TMEM132C: variants seen among roughly 807,000 people sequenced by gnomAD.
TMEM132C encodes transmembrane protein 132C, also known as protein phosphatase 1, regulatory subunit 152.
In TMEM132C, 29 loss-of-function variants were observed where a neutral mutation model predicts 61.4. That is an observed-to-expected ratio of 0.47 (90% CI 0.35 to 0.64). The LOEUF is 0.64. TMEM132C is among the 30% of genes least tolerant of loss of function. The pLI, the probability that TMEM132C is intolerant of heterozygous loss-of-function variation, is 0.00. For synonymous variants in TMEM132C, 656 were observed against 633.1 expected (o/e 1.04, Z -0.54); for missense variants, 1,408 against 1,476.9 (o/e 0.95, Z 0.76).
At chr12:128,371,516 C>T (rs1427097847) in intron 1 of TMEM132C, among the ~76,000 whole-genome samples, 2 of 152,140 alleles carry the variant, frequency 1.3e-5, no homozygotes, top group East Asian at 3.8e-4. Flanking sequence ...TTGAGGCTTC[C>T]AACTGCTGGA....
intron 1 of TMEM132C, among the ~76,000 whole-genome samples, chr12:128,333,921 T>G (rs936761721): frequency 1.3e-5 from 2 of 150,414 alleles, no homozygotes; most frequent in Non-Finnish European, 3.0e-5. Context: ...GAGAGTTTGT[T>G]GTGTGTGTAT....
At chr12:128,536,529 T>TG (rs1873534343) in intron 2 of TMEM132C, among the ~76,000 whole-genome samples, 1 of 76,300 alleles carries the variant, frequency 1.3e-5, no homozygotes, top group East Asian at 3.6e-4. Flanking sequence ...TAAAGTATAA[T>TG]GAAAAAAAAA....
At chr12:128,306,222 T>G (rs1243048395) in intron 1 of TMEM132C, among the ~76,000 whole-genome samples, 2 of 150,404 alleles carry the variant, frequency 1.3e-5, no homozygotes, top group African/African-American at 5.0e-5. Flanking sequence ...TTTTTTTTTT[T>G]GAGACTGAGC....
intron 1 of TMEM132C, among the ~76,000 whole-genome samples, 191 bp from the exon 2 acceptor site, chr12:128,414,541 A>G (rs1209547071): frequency 6.6e-6 from 1 of 152,198 alleles, no homozygotes; most frequent in East Asian, 1.9e-4. Context: ...TAATATAACT[A>G]TATGCATAAT....
chr12:128,387,656 A>G (rs1462350385), intron 1 of TMEM132C, among the ~76,000 whole-genome samples: 1 of 152,114 alleles, frequency 6.6e-6, no homozygotes, highest in Non-Finnish European at 1.5e-5. Context: ...CTAAAAATAC[A>G]AAAATTAGCT....
chr12:128,579,838 C>T (rs11059774), intron 3 of TMEM132C, among the ~76,000 whole-genome samples: 56,409 of 152,080 alleles, frequency 0.37, 12,906 homozygotes, highest in South Asian at 0.59. Context: ...TGTCTTGATC[C>T]ACTTTGCTGT....
At chr12:128,376,226 C>A (rs1379693524) in intron 1 of TMEM132C, among the ~76,000 whole-genome samples, 32 of 152,182 alleles carry the variant, frequency 2.1e-4, no homozygotes, top group Admixed American at 2.1e-3. Flanking sequence ...CTAATTATTT[C>A]CTGGGCTTAA....
At chr12:128,601,017 C>T (rs920899281) in intron 3 of TMEM132C, among the ~76,000 whole-genome samples, 2 of 152,156 alleles carry the variant, frequency 1.3e-5, no homozygotes, top group Non-Finnish European at 1.5e-5. Flanking sequence ...TGTTTAGTAG[C>T]GCTCAGCAGG....
At chr12:128,594,720 A>G (rs1875885501) in intron 3 of TMEM132C, among the ~76,000 whole-genome samples, 1 of 152,194 alleles carries the variant, frequency 6.6e-6, no homozygotes, top group Non-Finnish European at 1.5e-5. Context: ...AGTGTTATTC[A>G]ATTCCCCACA....
chr12:128,333,668 T>C (rs1323847566), intron 1 of TMEM132C, among the ~76,000 whole-genome samples: 16 of 151,278 alleles, frequency 1.1e-4, no homozygotes, highest in Admixed American at 1.1e-3. Flanking sequence ...ATGGTGTGTG[T>C]GGTGTGTATG....
chr12:128,601,518 G>A (rs901251798), intron 3 of TMEM132C, among the ~76,000 whole-genome samples: 3 of 152,210 alleles, frequency 2.0e-5, no homozygotes, highest in East Asian at 1.9e-4. Flanking sequence ...ATCCTGCACC[G>A]AGGCTGTATA....
At chr12:128,342,702 C>T (rs955674542) in intron 1 of TMEM132C, among the ~76,000 whole-genome samples, 1 of 152,216 alleles carries the variant, frequency 6.6e-6, no homozygotes, top group African/African-American at 2.4e-5. Flanking sequence ...CTGCTTTGAT[C>T]CTTCCCAGGG....
chr12:128,319,896 A>G (rs1215525194), intron 1 of TMEM132C, among the ~76,000 whole-genome samples: 1 of 151,840 alleles, frequency 6.6e-6, no homozygotes, highest in South Asian at 2.1e-4. Flanking sequence ...TCTTGAACAG[A>G]CGCGGGATGA....
intron 3 of TMEM132C, among the ~76,000 whole-genome samples, chr12:128,554,532 C>T (rs1263620658): frequency 6.6e-6 from 1 of 152,190 alleles, no homozygotes; most frequent in Non-Finnish European, 1.5e-5. Flanking sequence ...AAAAATTGTT[C>T]ATCAGGAAGT....
In TMEM132C at chr12:128,705,142, T is replaced by C; in HGVS notation, c.2174T>C (p.Leu725Pro). The change falls in exon 9 of 9, where the codon CTG becomes CCG. Residue 725 changes from leucine (L) to proline (P), a missense_variant. Leu to Pro is a moderately conservative substitution (Grantham distance 98). Transcript: ENST00000435159. ...LQFSDGSVTP[L>P]DIYDTKDFSL... ...TTCAGTGATGGCTCTGTGACGCCCC[T>C]GGACATCTACGACACCAAGGACTTC... 1 of 1,551,324 alleles carries C rather than the reference T, an allele frequency of 6.4e-7. No homozygotes were observed. The highest frequency in any genetic ancestry group is 8.7e-7 in the Non-Finnish European group (1 of 1,146,778).
At chr12:128,407,948 T>TTCTCTG (rs1409870703) in intron 1 of TMEM132C, among the ~76,000 whole-genome samples, 4 of 117,568 alleles carry the variant, frequency 3.4e-5, no homozygotes, top group African/African-American at 8.8e-5. Context: ...CAATCTCTCT[T>TTCTCTG]TCTCTGTCTC....
rs984335160 is a variant in TMEM132C at position 128,616,308 on chromosome 12, C to T, written c.1278C>T (p.Asp426=). ...CCGAGATCTTTGTCAGCCAGAAGGA[C>T]CTGGTGGGCATCGTTCCCTTGGCTA... ...AVSEIFVSQK[D]LVGIVPLAMD... The change falls in exon 4 of 9, where the codon GAC becomes GAT. Residue 426 remains aspartate, a synonymous_variant. Transcript: ENST00000435159. 1.3e-6 allele frequency: 2 copies of T among 1,551,814 alleles called. No individual in the cohort carries two copies. Among genetic ancestry groups the T allele is most frequent in the Admixed American group, 2.0e-5 (1 of 50,986 alleles).
intron 4 of TMEM132C, among the ~76,000 whole-genome samples, chr12:128,617,378 T>A (rs1293050478): frequency 6.6e-6 from 1 of 152,226 alleles, no homozygotes; most frequent in Non-Finnish European, 1.5e-5. Flanking sequence ...TGCCAATCAC[T>A]CCAGCAAATC....
intron 5 of TMEM132C, among the ~76,000 whole-genome samples, chr12:128,681,437 C>T (rs916724269): frequency 2.0e-5 from 3 of 152,182 alleles, no homozygotes; most frequent in South Asian, 2.1e-4. Context: ...AGACCCAAAC[C>T]GAGTTAAGGG....
Sources: gnomAD v4.1 joint callset for allele counts (sites outside exome capture counted in the v4.1 genomes callset) on GRCh38, gnomAD v4.1.1 for gene constraint, MANE v1.5 for transcripts, NCBI Gene and HGNC (gene_info 2026-07-23, HGNC 2026-07-21) for gene names.